BRAF: variants seen among roughly 807,000 people sequenced by gnomAD.
The protein encoded by BRAF is serine/threonine-protein kinase B-raf.
Under a neutral mutation model 104.6 loss-of-function variants are expected in BRAF, and 16 were observed. The observed-to-expected ratio is 0.15, with a 90% CI of 0.10 to 0.23. BRAF has a LOEUF of 0.23. BRAF is among the 10% of genes least tolerant of loss of function. The probability of loss-of-function intolerance (pLI) is 1.00; values close to 1 mark genes in which losing one functional copy is unlikely to be tolerated. For synonymous variants in BRAF, 310 were observed against 341.6 expected, an observed-to-expected ratio of 0.91 and a Z score of 1.02; for missense variants, 541 against 937.3, an observed-to-expected ratio of 0.58 and a Z score of 5.52.
intron 14 of BRAF, among the ~76,000 whole-genome samples, chr7:140,765,729 G>T (rs1344108784): frequency 1.3e-5 from 2 of 152,114 alleles, no homozygotes. Context: ...TCAGAGAAAT[G>T]CAAATCAAAA....
At chr7:140,777,193 CT>C (rs925184421) in intron 13 of BRAF, 105 bp from the exon 13 acceptor site, 87,032 of 841,310 alleles carry the variant, frequency 0.1, no homozygotes, top group East Asian at 0.16. Context: ...TCAGAAAAAG[CT>C]TTTTTTTTTT....
chr7:140,876,620 T>C (rs1200174652), intron 1 of BRAF, among the ~76,000 whole-genome samples: 1 of 152,178 alleles, frequency 6.6e-6, no homozygotes, highest in African/African-American at 2.4e-5. Context: ...AACTAATATA[T>C]ATGCACCTAA....
In BRAF at chr7:140,913,469, C is replaced by CTTTTTTT. The variant is rs369746551; in HGVS notation, c.138+11090_138+11096dup. Among the ~76,000 whole-genome samples, 104 of 57,014 alleles carry CTTTTTTT rather than the reference C, an allele frequency of 1.8e-3. 12 individuals carry two copies. Among genetic ancestry groups the CTTTTTTT allele is most frequent in the African/African-American group, 4.8e-3 (64 of 13,376 alleles). The allele number at this position is 57,014 out of a possible 152,430, so 37.4% of individuals were successfully genotyped here. On this transcript the variant is annotated intron_variant, in intron 1 of 19. Transcript: ENST00000644969. The stretch of plus-strand genomic sequence containing the variant: ...ATGACAAAGCAAATGTTAATCACAG[C>CTTTTTTT]TTTTTTTTTTTTTTTTTTTTTTTTT...
Position 140,721,067 on chromosome 7 carries a change from G to T in BRAF, c.*5427C>A, listed in dbSNP as rs1795300185. Reference sequence around the variant, plus strand: ...TGTTTTCAGAGCACTTCTATCTACAGAATTCTTTAAAAAAAAATGCACCTC... The same window carrying T: ...TGTTTTCAGAGCACTTCTATCTACATAATTCTTTAAAAAAAAATGCACCTC... On this transcript the variant is annotated 3_prime_UTR_variant, in exon 20 of 20. Coordinates refer to ENST00000644969, the MANE Select transcript of BRAF (RefSeq NM_001374258.1). 9 of 1,063,712 alleles carry T rather than the reference G, an allele frequency of 8.5e-6. No individual in the cohort carries two copies. Among genetic ancestry groups the T allele is most frequent in the Non-Finnish European group, 1.0e-5 (9 of 878,420 alleles). The allele number at this position is 1,063,712 out of a possible 1,614,324, so 65.9% of individuals were successfully genotyped here.
intron 3 of BRAF, among the ~76,000 whole-genome samples, chr7:140,825,236 G>A (rs1805904233): frequency 6.6e-6 from 1 of 152,064 alleles, no homozygotes; most frequent in African/African-American, 2.4e-5. Flanking sequence ...CCAAAGTGCT[G>A]GGATTACAGG....
At chr7:140,855,874 G>T (rs1438987810) in intron 1 of BRAF, among the ~76,000 whole-genome samples, 1 of 151,242 alleles carries the variant, frequency 6.6e-6, no homozygotes, top group Non-Finnish European at 1.5e-5. Flanking sequence ...ACAAAAATTA[G>T]CTAGGTGTGG....
downstream of BRAF, among the ~76,000 whole-genome samples, chr7:140,718,106 T>G (rs1395667103): frequency 6.6e-6 from 1 of 152,136 alleles, no homozygotes; most frequent in East Asian, 1.9e-4. Flanking sequence ...GGTGAAGTGT[T>G]TTTTTTGAGA....
At chr7:140,787,249 C>T (rs1196229468) in intron 9 of BRAF, among the ~76,000 whole-genome samples, 2 of 140,240 alleles carry the variant, frequency 1.4e-5, no homozygotes, top group African/African-American at 2.6e-5. Context: ...TGCAGTGAGC[C>T]GAGATCGCGC....
At chr7:140,763,328 G>T (rs1486945549) in intron 14 of BRAF, among the ~76,000 whole-genome samples, 3 of 149,944 alleles carry the variant, frequency 2.0e-5, no homozygotes, top group Admixed American at 2.0e-4. Flanking sequence ...GGCTGGCCGG[G>T]CAGGGGGCTG....
chr7:140,894,065 C>T (rs974218862), intron 1 of BRAF, among the ~76,000 whole-genome samples: 1 of 152,036 alleles, frequency 6.6e-6, no homozygotes, highest in Non-Finnish European at 1.5e-5. Context: ...GCCCAGGAGG[C>T]AGAGGTTGCA....
chr7:140,824,600 G>A (rs975317827), intron 3 of BRAF, among the ~76,000 whole-genome samples: 2 of 151,588 alleles, frequency 1.3e-5, no homozygotes, highest in Non-Finnish European at 2.9e-5. Context: ...TTGGCTATAC[G>A]GGATTCCTTG....
chr7:140,916,098 C>T (rs1335120398), intron 1 of BRAF, among the ~76,000 whole-genome samples: 1 of 152,208 alleles, frequency 6.6e-6, no homozygotes, highest in African/African-American at 2.4e-5. Flanking sequence ...CAGTTTCTAC[C>T]TTCGCAATTG....
chr7:140,776,255 A>G (rs1800329431), intron 14 of BRAF, among the ~76,000 whole-genome samples: 1 of 152,226 alleles, frequency 6.6e-6, no homozygotes, highest in Non-Finnish European at 1.5e-5. Flanking sequence ...TTTCAAATTC[A>G]TATTTTACTG....
At chr7:140,797,747 A>G (rs941914160) in intron 7 of BRAF, among the ~76,000 whole-genome samples, 3 of 152,208 alleles carry the variant, frequency 2.0e-5, no homozygotes, top group South Asian at 2.1e-4. Context: ...AGGGTGTTTT[A>G]TAACTGCTCA....
chr7:140,762,187 G>A (rs981737070), intron 14 of BRAF, among the ~76,000 whole-genome samples: 24 of 152,162 alleles, frequency 1.6e-4, no homozygotes, highest in African/African-American at 5.1e-4. Context: ...ATAACAAACT[G>A]TGTCTCAGAC....
chr7:140,809,917 T>C (rs147635565), intron 3 of BRAF, among the ~76,000 whole-genome samples: 1 of 152,192 alleles, frequency 6.6e-6, no homozygotes, highest in Non-Finnish European at 1.5e-5. Flanking sequence ...TATCTATCTT[T>C]AGCCTTTTCC....
intron 3 of BRAF, among the ~76,000 whole-genome samples, chr7:140,826,646 G>A (rs909084287): frequency 1.3e-5 from 2 of 152,234 alleles, no homozygotes; most frequent in South Asian, 2.1e-4. Flanking sequence ...AACTCTGAGC[G>A]ATATACTTCA....
At chr7:140,914,341 A>G (rs535831520) in intron 1 of BRAF, among the ~76,000 whole-genome samples, 1 of 152,200 alleles carries the variant, frequency 6.6e-6, no homozygotes, top group Non-Finnish European at 1.5e-5. Context: ...GTATAATGAA[A>G]CTTATTTGAG....
At chr7:140,747,365 C>G in intron 17 of BRAF, 1 of 1,269,098 alleles carries the variant, frequency 7.9e-7, no homozygotes, top group Non-Finnish European at 1.0e-6. Flanking sequence ...AAAGGCCTTA[C>G]CCTTCTGTTG....
Sources: gnomAD v4.1 joint callset for allele counts (sites outside exome capture counted in the v4.1 genomes callset) on GRCh38, gnomAD v4.1.1 for gene constraint, MANE v1.5 for transcripts, NCBI Gene and HGNC (gene_info 2026-07-23, HGNC 2026-07-21) for gene names.